VTI1A: variants seen among roughly 807,000 people sequenced by gnomAD.
VTI1A encodes vesicle transport through interaction with t-SNAREs homolog 1A.
Under a neutral mutation model 34.9 loss-of-function variants are expected in VTI1A, and 22 were observed. That is an observed-to-expected ratio of 0.63 (90% CI 0.45 to 0.90). The LOEUF (loss-of-function observed/expected upper bound fraction) is 0.90, where lower values mean the gene tolerates loss of function less well. VTI1A is among the 40% of genes least tolerant of loss of function. VTI1A has a pLI of 0.00. For missense variants in VTI1A, 268 were observed against 275.6 expected (o/e 0.97, Z 0.20); for synonymous variants, 87 against 97.3 (o/e 0.89, Z 0.62).
intron 5 of VTI1A, among the ~76,000 whole-genome samples, chr10:112,606,806 G>T (rs1028886811): frequency 6.6e-6 from 1 of 152,146 alleles, no homozygotes; most frequent in African/African-American, 2.4e-5. Flanking sequence ...TGTCCTTTAT[G>T]CTATTAAAAT....
At chr10:112,779,264 A>C (rs1852043097) in intron 7 of VTI1A, among the ~76,000 whole-genome samples, 3 of 152,234 alleles carry the variant, frequency 2.0e-5, no homozygotes, top group Admixed American at 2.0e-4. Flanking sequence ...GGGGATAAGC[A>C]GCTGAAAATA....
At chr10:112,690,724 G>A (rs113833065) in intron 7 of VTI1A, among the ~76,000 whole-genome samples, 19 of 152,304 alleles carry the variant, frequency 1.2e-4, no homozygotes, top group African/African-American at 4.6e-4. Flanking sequence ...CTGGCTAGTT[G>A]TAAAAATGAA....
intron 1 of VTI1A, among the ~76,000 whole-genome samples, chr10:112,456,574 A>G (rs1564784397): frequency 6.6e-6 from 1 of 152,216 alleles, no homozygotes; most frequent in Non-Finnish European, 1.5e-5. Flanking sequence ...TTGGACAGAC[A>G]GAAACAAGCA....
intron 7 of VTI1A, among the ~76,000 whole-genome samples, chr10:112,793,805 G>C (rs556716342): frequency 1.3e-5 from 2 of 152,354 alleles, no homozygotes; most frequent in Middle Eastern, 3.4e-3. Context: ...CCATCAGATT[G>C]TTCTAGAATC....
intron 5 of VTI1A, among the ~76,000 whole-genome samples, chr10:112,546,286 C>A (rs1397771940): frequency 6.6e-6 from 1 of 151,808 alleles, no homozygotes; most frequent in Non-Finnish European, 1.5e-5. Context: ...ATACTCCTGG[C>A]CAGGCATGGT....
At chr10:112,503,710 G>A (rs1300904543) in intron 3 of VTI1A, among the ~76,000 whole-genome samples, 2 of 152,156 alleles carry the variant, frequency 1.3e-5, no homozygotes, top group Non-Finnish European at 2.9e-5. Flanking sequence ...TGGTATCACT[G>A]ATTGGTCAGT....
At chr10:112,692,251 G>A (rs1848639265) in intron 7 of VTI1A, among the ~76,000 whole-genome samples, 1 of 152,210 alleles carries the variant, frequency 6.6e-6, no homozygotes, top group Admixed American at 6.5e-5. Flanking sequence ...CGGTATAACA[G>A]TTGATTTCTG....
At chr10:112,486,669 A>T (rs1848643323) in intron 3 of VTI1A, among the ~76,000 whole-genome samples, 1 of 151,904 alleles carries the variant, frequency 6.6e-6, no homozygotes, top group African/African-American at 2.4e-5. Context: ...GTATATTCTT[A>T]AGAATATACA....
rs994807215 is a variant in VTI1A at position 112,751,423 on chromosome 10, C to T, written c.561-63867C>T. ...TAGGTACTCAATAATTAACTCCCTGCTGTTTCCCTAATCATGTAGAGGAAA... is the reference window on the plus strand; with the variant it reads ...TAGGTACTCAATAATTAACTCCCTGTTGTTTCCCTAATCATGTAGAGGAAA... On this transcript the variant is annotated intron_variant, in intron 7 of 7. Coordinates refer to ENST00000393077, the MANE Select transcript of VTI1A (RefSeq NM_145206.4). Among the ~76,000 whole-genome samples the T allele has an allele frequency of 9.7e-5, 14 of 144,284 alleles. No individual in the cohort carries two copies. In the East Asian group the frequency reaches 2.5e-3, roughly 25 times the overall value. The allele number at this position is 144,284 out of a possible 152,430, so 94.7% of individuals were successfully genotyped here.
At chr10:112,453,735 A>G (rs1305396503) in intron 1 of VTI1A, among the ~76,000 whole-genome samples, 3 of 151,468 alleles carry the variant, frequency 2.0e-5, no homozygotes, top group Admixed American at 6.6e-5. Context: ...CATCTTCTCT[A>G]TTTCCTGTTT....
At chr10:112,632,609 C>G (rs1167298093) in intron 5 of VTI1A, among the ~76,000 whole-genome samples, 1 of 152,224 alleles carries the variant, frequency 6.6e-6, no homozygotes, top group Admixed American at 6.5e-5. Context: ...CACATACCAG[C>G]TCATCAATAT....
chr10:112,792,742 T>G (rs1852528297), intron 7 of VTI1A, among the ~76,000 whole-genome samples: 1 of 152,166 alleles, frequency 6.6e-6, no homozygotes, highest in African/African-American at 2.4e-5. Context: ...CATGAGCCTT[T>G]TAAAAGAGGG....
At chr10:112,594,084 T>C (rs372027917) in intron 5 of VTI1A, among the ~76,000 whole-genome samples, 1 of 152,128 alleles carries the variant, frequency 6.6e-6, no homozygotes, top group East Asian at 1.9e-4. Context: ...TAATTTTTTT[T>C]GTATTTTTAG....
At chr10:112,722,379 A>T (rs1849843624) in intron 7 of VTI1A, among the ~76,000 whole-genome samples, 1 of 151,976 alleles carries the variant, frequency 6.6e-6, no homozygotes, top group Non-Finnish European at 1.5e-5. Context: ...GGGATGGGGG[A>T]GGGATAACAT....
At chr10:112,813,152 C>T (rs1282754800) in intron 7 of VTI1A, among the ~76,000 whole-genome samples, 2 of 152,196 alleles carry the variant, frequency 1.3e-5, no homozygotes, top group Admixed American at 1.3e-4. Flanking sequence ...GGAGGGGAAG[C>T]CACCAGGCCC....
At chr10:112,764,462 G>A (rs1009437268) in intron 7 of VTI1A, among the ~76,000 whole-genome samples, 2 of 152,032 alleles carry the variant, frequency 1.3e-5, no homozygotes, top group Non-Finnish European at 2.9e-5. Flanking sequence ...AAACCAATGT[G>A]GTGTTTAAAA....
At chr10:112,760,899 A>AG (rs1303762314) in intron 7 of VTI1A, among the ~76,000 whole-genome samples, 1 of 152,046 alleles carries the variant, frequency 6.6e-6, no homozygotes, top group East Asian at 1.9e-4. Context: ...CAAAAAAAAA[A>AG]AAAAAAAAAC....
chr10:112,575,946 A>T (rs767644091), intron 5 of VTI1A, among the ~76,000 whole-genome samples: 1 of 150,648 alleles, frequency 6.6e-6, no homozygotes, highest in Admixed American at 6.6e-5. Flanking sequence ...CCTCTCGTGA[A>T]TTTTTCTTTG....
intron 3 of VTI1A, among the ~76,000 whole-genome samples, chr10:112,521,317 T>C (rs920652539): frequency 6.6e-6 from 1 of 152,046 alleles, no homozygotes; most frequent in African/African-American, 2.4e-5. Context: ...TATGGTGGAA[T>C]TACAGGATCT....
Sources: gnomAD v4.1 joint callset for allele counts (sites outside exome capture counted in the v4.1 genomes callset) on GRCh38, gnomAD v4.1.1 for gene constraint, MANE v1.5 for transcripts, NCBI Gene and HGNC (gene_info 2026-07-23, HGNC 2026-07-21) for gene names.